Variants in HECW1 observed in about 807,000 individuals in gnomAD.
The protein encoded by HECW1 is HECT, C2 and WW domain containing E3 ubiquitin protein ligase 1, also known as E3 ubiquitin-protein ligase HECW1.
HECW1 carries 61 observed loss-of-function variants against 182.3 expected under a neutral mutation model. The observed-to-expected ratio is 0.33, with a 90% confidence interval of 0.27 to 0.41. The LOEUF is 0.41. HECW1 is among the 10% of genes least tolerant of loss of function. HECW1 has a pLI of 1.00. For synonymous variants in HECW1, 859 were observed against 832.6 expected, an observed-to-expected ratio of 1.03 and a Z score of -0.55; for missense variants, 1,739 against 2,108.9, an observed-to-expected ratio of 0.82 and a Z score of 3.44.
chr7:43,227,745 G>A (rs1029631082), intron 2 of HECW1, among the ~76,000 whole-genome samples: 2 of 152,180 alleles, frequency 1.3e-5, no homozygotes, highest in African/African-American at 4.8e-5. Flanking sequence ...GAAGAGGAAT[G>A]AAATAAGATT....
chr7:43,210,492 C>T (rs1003546727), intron 2 of HECW1, among the ~76,000 whole-genome samples: 3 of 147,934 alleles, frequency 2.0e-5, no homozygotes, highest in East Asian at 3.9e-4. Context: ...TGTTACAGGG[C>T]GTCCTTGCTC....
intron 3 of HECW1, among the ~76,000 whole-genome samples, chr7:43,310,354 C>T (rs969181153): frequency 1.3e-5 from 2 of 152,192 alleles, no homozygotes; most frequent in African/African-American, 2.4e-5. Context: ...GGATGGTTTC[C>T]AGGCAACACC....
chr7:43,534,274 G>C (rs1019048548), intron 24 of HECW1, among the ~76,000 whole-genome samples: 13 of 152,136 alleles, frequency 8.5e-5, no homozygotes, highest in African/African-American at 2.7e-4. Context: ...CTGTAAATAA[G>C]AGATTCCTCT....
At position 43,343,716 on chromosome 7, in the gene HECW1, G is replaced by T. The variant is rs187147596; in HGVS notation, c.461-17170G>T. On this transcript the variant is annotated intron_variant, in intron 5 of 29. Transcript: ENST00000395891. ...AGTCTTTGCTATTGTGAATAGTGCC[G>T]CAATAAAAATACGTGTGCATGTGTC... Among the ~76,000 whole-genome samples, 430 of 151,836 alleles carry T rather than the reference G, an allele frequency of 2.8e-3. 16 individuals carry two copies. Among genetic ancestry groups the T allele is most frequent in the African/African-American group, 9.7e-3 (400 of 41,160 alleles).
intron 2 of HECW1, among the ~76,000 whole-genome samples, chr7:43,199,684 A>G (rs1437142170): frequency 6.6e-6 from 1 of 152,210 alleles, no homozygotes; most frequent in African/African-American, 2.4e-5. Context: ...TGTGATTCAT[A>G]CACAATTGAT....
At chr7:43,168,039 A>T (rs921336084) in intron 2 of HECW1, among the ~76,000 whole-genome samples, 1 of 152,254 alleles carries the variant, frequency 6.6e-6, no homozygotes, top group South Asian at 2.1e-4. Flanking sequence ...CTAAATCCCC[A>T]TAGCCCGTGG....
intron 11 of HECW1, among the ~76,000 whole-genome samples, chr7:43,448,977 G>A (rs1184833484): frequency 6.6e-6 from 1 of 152,176 alleles, no homozygotes; most frequent in Non-Finnish European, 1.5e-5. Flanking sequence ...TCAGTCGGCT[G>A]AGACATGTTG....
chr7:43,128,197 G>A (rs2152616364), intron 2 of HECW1, among the ~76,000 whole-genome samples: 2 of 152,266 alleles, frequency 1.3e-5, no homozygotes, highest in South Asian at 4.1e-4. Flanking sequence ...GATTTTCAAT[G>A]CAGATAAAAC....
intron 2 of HECW1, among the ~76,000 whole-genome samples, chr7:43,202,184 C>T (rs1291123154): frequency 1.3e-5 from 2 of 152,170 alleles, no homozygotes; most frequent in African/African-American, 4.8e-5. Flanking sequence ...CCTAGCTAGT[C>T]AGTGGCAGAG....
chr7:43,303,139 A>C (rs1461674482), intron 3 of HECW1, among the ~76,000 whole-genome samples: 2 of 152,110 alleles, frequency 1.3e-5, no homozygotes, highest in Non-Finnish European at 2.9e-5. Context: ...AACCACCCAG[A>C]TTTCAGCAAC....
At chr7:43,349,285 C>T (rs1486618789) in intron 5 of HECW1, among the ~76,000 whole-genome samples, 1 of 152,134 alleles carries the variant, frequency 6.6e-6, no homozygotes, top group South Asian at 2.1e-4. Flanking sequence ...CTGCCTGCCT[C>T]GGCCTCCCAA....
intron 5 of HECW1, among the ~76,000 whole-genome samples, chr7:43,347,315 T>G (rs1813815456): frequency 6.6e-6 from 1 of 152,200 alleles, no homozygotes; most frequent in African/African-American, 2.4e-5. Context: ...CTTGATTTGA[T>G]TCTCTGCTTG....
At chr7:43,159,728 G>A (rs113401261) in intron 2 of HECW1, among the ~76,000 whole-genome samples, 7,840 of 128,826 alleles carry the variant, frequency 0.061, 288 homozygotes, top group Middle Eastern at 0.11. Context: ...CGCCCAGGCT[G>A]GAGTGCAGTG....
chr7:43,487,547 G>A (rs953658769), intron 17 of HECW1, among the ~76,000 whole-genome samples: 1 of 152,130 alleles, frequency 6.6e-6, no homozygotes, highest in Non-Finnish European at 1.5e-5. Flanking sequence ...GCCCACACAC[G>A]CACGTACACC....
chr7:43,352,943 G>A (rs1814646337), intron 5 of HECW1, among the ~76,000 whole-genome samples: 1 of 152,090 alleles, frequency 6.6e-6, no homozygotes, highest in African/African-American at 2.4e-5. Flanking sequence ...CCTTAACAGT[G>A]TAGGAAGGTG....
At chr7:43,273,762 A>T (rs1157593767) in intron 3 of HECW1, among the ~76,000 whole-genome samples, 1 of 152,220 alleles carries the variant, frequency 6.6e-6, no homozygotes, top group Non-Finnish European at 1.5e-5. Flanking sequence ...AAATAAAAAG[A>T]TAAGCAAATA....
chr7:43,114,308 A>T lies in HECW1; in HGVS notation c.-115A>T, dbSNP rs936724568. 5.1e-6 allele frequency: 7 copies of T among 1,362,726 alleles called. No individual in the cohort carries two copies. The African/African-American group carries it at 8.7e-5, about 17-fold the overall frequency. The allele number at this position is 1,362,726 out of a possible 1,614,324, so 84.4% of individuals were successfully genotyped here. ...AAGGCCAACCGTTAAAGACCCCGGC[A>T]GTGTTGTGGTCCAAGGCGTCTCAAA... On this transcript the variant is annotated 5_prime_UTR_variant, in exon 2 of 30. Coordinates refer to ENST00000395891, the MANE Select transcript of HECW1 (RefSeq NM_015052.5).
intron 2 of HECW1, among the ~76,000 whole-genome samples, chr7:43,193,297 T>C (rs1794113489): frequency 6.6e-6 from 1 of 152,220 alleles, no homozygotes. Flanking sequence ...GTGACCTGTA[T>C]CTTGAGAAAC....
intron 2 of HECW1, among the ~76,000 whole-genome samples, chr7:43,131,751 G>C (rs574135061): frequency 6.6e-6 from 1 of 152,364 alleles, no homozygotes; most frequent in Non-Finnish European, 1.5e-5. Flanking sequence ...TTTTGCCAAA[G>C]GAAGAGGGAT....
Sources: gnomAD v4.1 joint callset for allele counts (sites outside exome capture counted in the v4.1 genomes callset) on GRCh38, gnomAD v4.1.1 for gene constraint, MANE v1.5 for transcripts, NCBI Gene and HGNC (gene_info 2026-07-23, HGNC 2026-07-21) for gene names.